The following RANBP10 variants were observed in gnomAD, a reference collection of about 807,000 sequenced individuals.
The protein encoded by RANBP10 is ran-binding protein 10.
A neutral mutation model predicts 72.8 loss-of-function variants in RANBP10; 24 were observed. The observed-to-expected ratio is 0.33, with a 90% CI of 0.24 to 0.46. RANBP10 has a LOEUF of 0.46. Among genes scored for constraint, RANBP10 ranks in the 20% least tolerant of loss-of-function variants. The pLI is 1.00. For missense variants in RANBP10, 679 were observed against 817.5 expected (o/e 0.83, Z 2.07); for synonymous variants, 310 against 322.3 (o/e 0.96, Z 0.41).
chr16:67,726,407 A>T lies in RANBP10; in HGVS notation c.*21T>A. The T allele has an allele frequency of 6.2e-7, 1 of 1,611,662 alleles. No individual in the cohort carries two copies. The highest frequency in any genetic ancestry group is 8.5e-7 in the Non-Finnish European group (1 of 1,179,270). On this transcript the variant is annotated 3_prime_UTR_variant, in exon 14 of 14. Coordinates refer to ENST00000317506, the MANE Select transcript of RANBP10 (RefSeq NM_020850.3). The stretch of plus-strand genomic sequence containing the variant: ...CCCTGGGGCCAGTGGAGGGCCAGCC[A>T]GAGCCAGCCAGCACAGTCAGCTAGT...
At chr16:67,739,009 G>A (rs1597838028) in intron 4 of RANBP10, 1 of 152,142 alleles carries the variant, frequency 6.6e-6, no homozygotes, top group Non-Finnish European at 1.5e-5. Context: ...GCCCAGGCTG[G>A]AGTGCAGTAG....
chr16:67,777,594 A>G (rs1350868679), intron 2 of RANBP10, among the ~76,000 whole-genome samples: 1 of 152,156 alleles, frequency 6.6e-6, no homozygotes. Flanking sequence ...GACACTAAAA[A>G]CTATAAAATG....
At chr16:67,758,619 C>T (rs911352880) in intron 3 of RANBP10, among the ~76,000 whole-genome samples, 7 of 152,216 alleles carry the variant, frequency 4.6e-5, no homozygotes, top group Non-Finnish European at 1.0e-4. Flanking sequence ...CTAATGTGGC[C>T]TCAGCCTCAC....
chr16:67,787,132 A>G (rs2054930930), intron 2 of RANBP10, among the ~76,000 whole-genome samples: 1 of 152,110 alleles, frequency 6.6e-6, no homozygotes, highest in African/African-American at 2.4e-5. Context: ...TCAGCTACTC[A>G]GGAGGCTGAG....
chr16:67,727,921 C>T (rs755282138), intron 11 of RANBP10, 25 bp from the exon 12 acceptor site: 37 of 1,612,692 alleles, frequency 2.3e-5, no homozygotes, highest in East Asian at 8.9e-5. Context: ...CAGTGGAGAA[C>T]GTGTTAGGAG....
intron 2 of RANBP10, among the ~76,000 whole-genome samples, chr16:67,803,682 C>T (rs2055277086): frequency 2.0e-5 from 3 of 147,258 alleles, no homozygotes; most frequent in South Asian, 4.4e-4. Context: ...ATTAGCCAGG[C>T]GTGGTGGCAT....
At chr16:67,759,740 G>C (rs1051215293) in intron 3 of RANBP10, 1 of 152,246 alleles carries the variant, frequency 6.6e-6, no homozygotes, top group Non-Finnish European at 1.5e-5. Flanking sequence ...AGGCTATATG[G>C]AACAGGAAAG....
Position 67,730,076 on chromosome 16 carries a change from G to A in RANBP10, c.890-30C>T, listed in dbSNP as rs746980894. On this transcript the variant is annotated intron_variant, in intron 7 of 13. Transcript: ENST00000317506. The surrounding 1 kb of genome is among the most constrained non-coding windows in gnomAD (Gnocchi z 4.3). ...AGGGTGCAAGAACACAGCAGTGAGC[G>A]AGGGCTACAGGCCTCTCCCACAGCC... is the stretch of plus-strand genomic sequence containing the variant. The A allele has an allele frequency of 2.3e-5, 37 of 1,593,844 alleles. No homozygotes were observed. The highest frequency in any genetic ancestry group is 2.2e-4 in the East Asian group (10 of 44,804).
chr16:67,735,085 G>A (rs772060947), intron 5 of RANBP10, 43 bp from the exon 6 acceptor site: 1 of 1,515,350 alleles, frequency 6.6e-7, no homozygotes, highest in Admixed American at 1.9e-5. Context: ...TGAGGGCAGT[G>A]GGGTTCTAAG....
intron 2 of RANBP10, among the ~76,000 whole-genome samples, chr16:67,799,413 G>A (rs1414727154): frequency 2.7e-5 from 4 of 149,450 alleles, no homozygotes; most frequent in Admixed American, 1.3e-4. Flanking sequence ...TCAGCCTCCC[G>A]AGTAGCTGGG....
At chr16:67,783,293 GGC>G (rs1319375669) in intron 2 of RANBP10, among the ~76,000 whole-genome samples, 2 of 152,056 alleles carry the variant, frequency 1.3e-5, no homozygotes. Flanking sequence ...TAGAAACCAG[GGC>G]CACCTGACTC....
chr16:67,731,536 C>A lies in RANBP10; in HGVS notation c.825G>T (p.Thr275=). 5.0e-6 allele frequency: 8 copies of A among 1,614,192 alleles called. No homozygotes were observed. The highest frequency in any genetic ancestry group is 6.8e-6 in the Non-Finnish European group (8 of 1,180,032). ...GGGTTTCAGTCATTCGAGCAAAAGC[C>A]GTGGCTGTGGCACAATACCCATGAT... The part of the protein sequence containing the change: ...LVHHGYCATA[T]AFARMTETPI... Residue 275 remains threonine (T), a synonymous_variant, in exon 7 of 14, where the codon ACG becomes ACT. Transcript: ENST00000317506.
chr16:67,784,654 C>A (rs1193097039), intron 2 of RANBP10, among the ~76,000 whole-genome samples: 2 of 151,022 alleles, frequency 1.3e-5, no homozygotes. Context: ...GAAACTCCAT[C>A]CCAAAAAAAA....
chr16:67,773,620 C>T (rs909542030), intron 2 of RANBP10, among the ~76,000 whole-genome samples: 2 of 152,102 alleles, frequency 1.3e-5, no homozygotes, highest in Non-Finnish European at 2.9e-5. Flanking sequence ...ATCAGCTATC[C>T]CAATCATGCT....
At chr16:67,735,790 G>C (rs1412390994) in intron 5 of RANBP10, 1 of 151,612 alleles carries the variant, frequency 6.6e-6, no homozygotes, top group African/African-American at 2.4e-5. Flanking sequence ...CAAACCAAAA[G>C]ATAGATACAT....
rs1198075129 is a variant in RANBP10, at chr16:67,724,766, C to T, written c.*1662G>A. The T allele has an allele frequency of 6.6e-6, 1 of 152,240 alleles. No individual in the cohort carries two copies. Among genetic ancestry groups the T allele is most frequent in the African/African-American group, 2.4e-5 (1 of 41,464 alleles). 9.4% of individuals were successfully genotyped at this position (152,240 alleles called of 1,614,324 possible). A position where few individuals can be genotyped will look rare whatever the true frequency, so the allele number is the denominator to read the frequency against. The stretch of plus-strand genomic sequence containing the variant: ...TGAGCAATGGGTATCTCAGGCCACA[C>T]CAACCATTCCCATGTCCACCAATAT... On this transcript the variant is annotated 3_prime_UTR_variant, in exon 14 of 14. Coordinates refer to ENST00000317506, the MANE Select transcript of RANBP10 (RefSeq NM_020850.3).
intron 2 of RANBP10, among the ~76,000 whole-genome samples, chr16:67,783,954 A>C (rs1424532424): frequency 3.3e-5 from 5 of 151,496 alleles, no homozygotes; most frequent in African/African-American, 1.2e-4. Flanking sequence ...TGAGGCAGAG[A>C]AGTGTTTGAA....
intron 2 of RANBP10, among the ~76,000 whole-genome samples, chr16:67,802,392 C>A (rs1236082664): frequency 6.6e-6 from 1 of 152,188 alleles, no homozygotes; most frequent in Non-Finnish European, 1.5e-5. Context: ...AATCTTAGCA[C>A]TTTGGGAGAC....
At chr16:67,761,407 A>G (rs556219613) in intron 3 of RANBP10, among the ~76,000 whole-genome samples, 1 of 152,132 alleles carries the variant, frequency 6.6e-6, no homozygotes, top group Non-Finnish European at 1.5e-5. Flanking sequence ...CACTCAAAAC[A>G]TCAACATCTT....
Sources: gnomAD v4.1 joint callset for allele counts (sites outside exome capture counted in the v4.1 genomes callset) on GRCh38, gnomAD v4.1.1 for gene constraint, Gnocchi (gnomAD v3.1) non-coding constraint, MANE v1.5 for transcripts, NCBI Gene and HGNC (gene_info 2026-07-23, HGNC 2026-07-21) for gene names.